The following TRAP1 variants were observed in gnomAD, a reference collection of about 807,000 sequenced individuals.
The protein encoded by TRAP1 is heat shock protein 75 kDa, mitochondrial.
A neutral mutation model predicts 89.1 loss-of-function variants in TRAP1; 102 were observed. The ratio of observed to expected loss-of-function variants is 1.15; its 90% CI spans 0.98 to 1.35. TRAP1 has a LOEUF of 1.35. Among genes scored for constraint, TRAP1 ranks in the 40% most tolerant of loss-of-function variants. The pLI is 0.00. For synonymous variants in TRAP1, 508 were observed against 388.0 expected, an observed-to-expected ratio of 1.31 and a Z score of -3.64; for missense variants, 1,256 against 945.3, an observed-to-expected ratio of 1.33 and a Z score of -4.31.
intron 13 of TRAP1, 135 bp from the exon 14 acceptor site, chr16:3,663,697 A>C: frequency 9.0e-7 from 1 of 1,110,778 alleles, no homozygotes; most frequent in Non-Finnish European, 1.3e-6. Context: ...TGGGGTTCCT[A>C]GGCCTGCATG....
At chr16:3,702,366 C>T (rs1377160213) in intron 1 of TRAP1, among the ~76,000 whole-genome samples, 4 of 151,702 alleles carry the variant, frequency 2.6e-5, no homozygotes, top group Non-Finnish European at 5.9e-5. Context: ...AAGGTGAGAG[C>T]CAGAAGGGGC....
At chr16:3,692,919 G>A (rs1308927727) in intron 1 of TRAP1, among the ~76,000 whole-genome samples, 3 of 147,098 alleles carry the variant, frequency 2.0e-5, no homozygotes, top group South Asian at 2.2e-4. Context: ...TATTCTTTAG[G>A]CTTATTCCTG....
At chr16:3,674,762 T>G in intron 8 of TRAP1, 1 of 521,152 alleles carries the variant, frequency 1.9e-6, no homozygotes, top group South Asian at 2.1e-5. Context: ...TGGGAGAGGA[T>G]GACGCTGCCC....
chr16:3,660,222 T>C (rs1323478668), intron 16 of TRAP1: 1 of 152,256 alleles, frequency 6.6e-6, no homozygotes, highest in African/African-American at 2.4e-5. Context: ...ACATAATCTC[T>C]GCAGAAATAC....
intron 1 of TRAP1, among the ~76,000 whole-genome samples, chr16:3,699,543 T>G (rs1156282820): frequency 1.3e-5 from 2 of 149,320 alleles, no homozygotes; most frequent in Admixed American, 6.8e-5. Context: ...GGAGAATCAC[T>G]TGAACCCACG....
chr16:3,661,005 T>C (rs539275463), intron 16 of TRAP1: 2 of 152,282 alleles, frequency 1.3e-5, no homozygotes, highest in South Asian at 2.1e-4. Flanking sequence ...CTGTTTTCTA[T>C]TTTTGGTAAC....
chr16:3,662,978 G>A lies in TRAP1; in HGVS notation c.1709-11C>T. Reference sequence around the variant, plus strand: ...ATAGGCACTCGGCGGCTGCGGAAGAGCAGGCGACAGGGAGCTCAGGCCTGC... The same window carrying A: ...ATAGGCACTCGGCGGCTGCGGAAGAACAGGCGACAGGGAGCTCAGGCCTGC... On this transcript the variant is annotated splice_polypyrimidine_tract_variant and intron_variant, in intron 14 of 17. Transcript: ENST00000246957. 6.3e-7 allele frequency: 1 copy of A among 1,597,576 alleles called. No individual in the cohort carries two copies. Among genetic ancestry groups the A allele is most frequent in the Non-Finnish European group, 8.5e-7 (1 of 1,175,814 alleles).
chr16:3,676,111 C>T lies in TRAP1; in HGVS notation c.739G>A (p.Val247Ile). The T allele has an allele frequency of 1.2e-6, 2 of 1,613,998 alleles. No individual in the cohort carries two copies. Among genetic ancestry groups the T allele is most frequent in the Non-Finnish European group, 1.7e-6 (2 of 1,179,940 alleles). Residue 247 changes from valine to isoleucine, a missense_variant, in exon 7 of 18, where the codon GTT (valine) becomes ATT (isoleucine). Transcript: ENST00000246957. ...GVFEIAEASG[V>I]RTGTKIIIHL... ...ATGATGATTTTTGTCCCGGTTCTAACTCCCGAAGCTTCGGCGATTTCAAAC... is the reference window on the plus strand; with the variant it reads ...ATGATGATTTTTGTCCCGGTTCTAATTCCCGAAGCTTCGGCGATTTCAAAC...
intron 7 of TRAP1, 133 bp from the exon 8 acceptor site, chr16:3,675,530 A>C: frequency 1.3e-6 from 1 of 794,796 alleles, no homozygotes; most frequent in East Asian, 2.7e-5. Flanking sequence ...CAGGTACAGA[A>C]ACAGGGCACA....
intron 6 of TRAP1, chr16:3,676,773 G>C (rs1567231678): frequency 6.6e-6 from 1 of 152,568 alleles, no homozygotes; most frequent in Non-Finnish European, 1.5e-5. Flanking sequence ...AAAGCCCTCG[G>C]AGCCAGGCGT....
intron 5 of TRAP1, chr16:3,677,924 G>A (rs1382159880): frequency 1.4e-5 from 6 of 423,396 alleles, no homozygotes; most frequent in Non-Finnish European, 2.1e-5. Context: ...CCAGACAGGT[G>A]GAGGCCTGTG....
intron 1 of TRAP1, among the ~76,000 whole-genome samples, chr16:3,698,726 G>C (rs1240835787): frequency 6.6e-6 from 1 of 151,972 alleles, no homozygotes; most frequent in African/African-American, 2.4e-5. Flanking sequence ...GGGTAACATG[G>C]CAAAACCCCA....
Position 3,658,840 on chromosome 16 carries a change from G to C in TRAP1, c.1966C>G (p.Gln656Glu). 5.6e-6 allele frequency: 9 copies of C among 1,614,040 alleles called. No individual in the cohort carries two copies. The highest frequency in any genetic ancestry group is 7.6e-6 in the Non-Finnish European group (9 of 1,180,010). The change falls in exon 17 of 18, where the codon CAG becomes GAG. Residue 656 changes from glutamine to glutamate, a missense_variant. Physicochemically the swap from Gln to Glu is conservative, Grantham distance 29. Transcript: ENST00000246957. ...PRHALIKKLNQLRASEPGLAQ... is the reference protein window; with the variant it reads ...PRHALIKKLNELRASEPGLAQ... ...AGGCCAGGCTCGCTTGCGCGCAGCT[G>C]ATTCAGCTTCTTGATGAGCGCGTGC...
At chr16:3,711,644 A>C (rs908470608) in intron 1 of TRAP1, among the ~76,000 whole-genome samples, 4 of 152,072 alleles carry the variant, frequency 2.6e-5, no homozygotes, top group Non-Finnish European at 5.9e-5. Context: ...AACAAAAAAA[A>C]CACAGGTGGC....
intron 5 of TRAP1, chr16:3,677,970 T>G (rs1306755081): frequency 5.4e-5 from 16 of 297,436 alleles, no homozygotes; most frequent in Non-Finnish European, 2.5e-5. Flanking sequence ...GCAGCTTGAA[T>G]AAGCTCTTTC....
At chr16:3,688,047 A>T (rs2051161522) in intron 3 of TRAP1, among the ~76,000 whole-genome samples, 1 of 152,086 alleles carries the variant, frequency 6.6e-6, no homozygotes, top group African/African-American at 2.4e-5. Flanking sequence ...TGAGCTTTGA[A>T]ATCTGCTGCT....
Position 3,677,574 on chromosome 16 carries a change from T to C in TRAP1, c.628A>G (p.Met210Val), listed in dbSNP as rs999274676. 2 of 1,614,030 alleles carry C rather than the reference T, an allele frequency of 1.2e-6. No homozygotes were observed. Among genetic ancestry groups the C allele is most frequent in the South Asian group, 1.1e-5 (1 of 91,086 alleles). ...QFGVGFYSAF[M>V]VADRVEVYSR... Reference sequence around the variant, plus strand: ...TAGACCTCCACTCTGTCAGCCACCATGAAAGCTGAGTAGAAACCCACTCCA... The same window carrying C: ...TAGACCTCCACTCTGTCAGCCACCACGAAAGCTGAGTAGAAACCCACTCCA... The change falls in exon 6 of 18, where the codon ATG becomes GTG. Residue 210 changes from methionine to valine, a missense_variant. By Grantham distance (21) the Met-to-Val change is conservative (BLOSUM62 1). Transcript: ENST00000246957.
Position 3,676,085 on chromosome 16 carries a change from G to C in TRAP1, c.765C>G (p.Ile255Met). The C allele has an allele frequency of 2.5e-6, 4 of 1,613,964 alleles. No homozygotes were observed. Among genetic ancestry groups the C allele is most frequent in the Middle Eastern group, 1.7e-4 (1 of 6,054 alleles). ...ACTCCTTGCAGTCGGATTTCAGGTGGATGATGATTTTTGTCCCGGTTCTAA... is the reference window on the plus strand; with the variant it reads ...ACTCCTTGCAGTCGGATTTCAGGTGCATGATGATTTTTGTCCCGGTTCTAA... ...SGVRTGTKII[I>M]HLKSDCKEFS... Residue 255 changes from isoleucine to methionine, a missense_variant, in exon 7 of 18, where the codon ATC (isoleucine) becomes ATG (methionine). Physicochemically the swap from Ile to Met is conservative, Grantham distance 10. Transcript: ENST00000246957.
At chr16:3,703,043 GAAAAA>G (rs36093237) in intron 1 of TRAP1, among the ~76,000 whole-genome samples, 26 of 43,512 alleles carry the variant, frequency 6.0e-4, no homozygotes, top group South Asian at 8.7e-4. Context: ...ACTCCGTCTT[GAAAAA>G]AAAAAAAAAA....
Sources: gnomAD v4.1 joint callset for allele counts (sites outside exome capture counted in the v4.1 genomes callset) on GRCh38, gnomAD v4.1.1 for gene constraint, MANE v1.5 for transcripts, NCBI Gene and HGNC (gene_info 2026-07-23, HGNC 2026-07-21) for gene names.